RAB17: variants seen among roughly 807,000 people sequenced by gnomAD.
RAB17 encodes the protein RAB17, member RAS oncogene family.
In RAB17, 15 loss-of-function variants were observed where a neutral mutation model predicts 19.3. The observed-to-expected ratio is 0.78, with a 90% CI of 0.52 to 1.20. The LOEUF is 1.20. Ranked by LOEUF, RAB17 falls within the 50% of genes most tolerant of loss-of-function variation. The probability of loss-of-function intolerance (pLI) is 0.00; values close to 1 mark genes in which losing one functional copy is unlikely to be tolerated. For synonymous variants in RAB17, 110 were observed against 112.8 expected, an observed-to-expected ratio of 0.97 and a Z score of 0.16; for missense variants, 262 against 269.3, an observed-to-expected ratio of 0.97 and a Z score of 0.19.
intron 5 of RAB17, 27 bp downstream of exon 5, chr2:237,575,360 T>G: frequency 6.4e-7 from 1 of 1,573,778 alleles, no homozygotes; most frequent in Non-Finnish European, 8.7e-7. Flanking sequence ...ACCTCCCCCT[T>G]GTCTGGCCCA....
intron 2 of RAB17, chr2:237,585,285 T>C (rs1162748321): frequency 6.0e-6 from 1 of 167,482 alleles, no homozygotes; most frequent in Non-Finnish European, 1.5e-5. Context: ...TGATTCTGCA[T>C]GTGTTCCCCC....
Position 237,574,665 on chromosome 2 carries a change from C to T in RAB17, c.*354G>A. On this transcript the variant is annotated 3_prime_UTR_variant, in exon 6 of 6. Transcript: ENST00000264601. ...GCCCCCATCAAGATCAGACGTAAGG[C>T]ATCTTCCCACCGTCGCTGTGCTGCG... 2 of 1,462,590 alleles carry T rather than the reference C, an allele frequency of 1.4e-6. No individual in the cohort carries two copies. The highest frequency in any genetic ancestry group is 1.8e-6 in the Non-Finnish European group (2 of 1,104,796). 90.6% of individuals were successfully genotyped at this position (1,462,590 alleles called of 1,614,324 possible). A position where few individuals can be genotyped will look rare whatever the true frequency, so the allele number is the denominator to read the frequency against.
At chr2:237,584,451 C>A (rs570377599) in intron 2 of RAB17, among the ~76,000 whole-genome samples, 1 of 152,144 alleles carries the variant, frequency 6.6e-6, no homozygotes, top group Non-Finnish European at 1.5e-5. Context: ...GGGGTCACTG[C>A]TGCAACCACT....
chr2:237,581,258 C>T (rs1054896041), intron 2 of RAB17, among the ~76,000 whole-genome samples: 1 of 147,960 alleles, frequency 6.8e-6, no homozygotes, highest in Non-Finnish European at 1.5e-5. Flanking sequence ...ACCTGTGGTC[C>T]CAGCTACTGA....
chr2:237,576,426 CCT>C (rs1374234524), intron 4 of RAB17, among the ~76,000 whole-genome samples: 1 of 152,162 alleles, frequency 6.6e-6, no homozygotes, highest in Non-Finnish European at 1.5e-5. Context: ...CTGCCAGGAT[CCT>C]CTCTCCCCCA....
rs569105410 is a variant in RAB17, at chr2:237,574,815, C to T, written c.*204G>A. 1.2e-3 allele frequency: 1,092 copies of T among 891,128 alleles called. 19 individuals are homozygous for T. In the South Asian group the frequency reaches 0.022, roughly 18 times the overall value. The allele number at this position is 891,128 out of a possible 1,614,324, so 55.2% of individuals were successfully genotyped here. On this transcript the variant is annotated 3_prime_UTR_variant, in exon 6 of 6. Coordinates refer to ENST00000264601, the MANE Select transcript of RAB17 (RefSeq NM_022449.4). ...GTATCAGTGGGGATAGGGCACAGCA[C>T]TTTCCTGGGAGCCATGTGACGCCAG...
At chr2:237,588,341 C>T (rs1211028956) in intron 1 of RAB17, among the ~76,000 whole-genome samples, 1 of 152,208 alleles carries the variant, frequency 6.6e-6, no homozygotes, top group Non-Finnish European at 1.5e-5. Context: ...CTTGGACTTC[C>T]CAGCCTCCAG....
intron 4 of RAB17, among the ~76,000 whole-genome samples, chr2:237,576,189 C>T (rs1230631231): frequency 1.3e-5 from 2 of 152,044 alleles, no homozygotes; most frequent in Non-Finnish European, 2.9e-5. Context: ...CCCCAGCTCT[C>T]GCACCATCCA....
At chr2:237,577,866 C>T in intron 3 of RAB17, 138 bp downstream of exon 3, 3 of 990,220 alleles carry the variant, frequency 3.0e-6, no homozygotes, top group Non-Finnish European at 3.0e-6. Context: ...TGTCAGGAGG[C>T]CATCCTGGAG....
Position 237,574,940 on chromosome 2 carries a change from A to T in RAB17, c.*79T>A. The T allele has an allele frequency of 8.7e-7, 1 of 1,146,962 alleles. No individual in the cohort carries two copies. The highest frequency in any genetic ancestry group is 1.2e-6 in the Non-Finnish European group (1 of 821,460). The allele number at this position is 1,146,962 out of a possible 1,614,324, so 71.0% of individuals were successfully genotyped here. On this transcript the variant is annotated 3_prime_UTR_variant, in exon 6 of 6. Transcript: ENST00000264601. ...GGCTCGGGAGCAACCCAGCATTGAC[A>T]GTGAATCAGAATCCACCTAGAGCTG...
chr2:237,583,646 C>T (rs1376162971), intron 2 of RAB17, among the ~76,000 whole-genome samples: 2 of 152,226 alleles, frequency 1.3e-5, no homozygotes, highest in East Asian at 1.9e-4. Context: ...CTCCTCTCCC[C>T]GTTGTGCCAC....
chr2:237,574,574 C>A lies in RAB17; in HGVS notation c.*445G>T. ...GTCATCGCTCCATTTCTTCCTGGCACCACCACCTCCATCTGGCCTGCTCCC... is the reference window on the plus strand; with the variant it reads ...GTCATCGCTCCATTTCTTCCTGGCAACACCACCTCCATCTGGCCTGCTCCC... On this transcript the variant is annotated 3_prime_UTR_variant, in exon 6 of 6. Transcript: ENST00000264601. 1 of 1,549,430 alleles carries A rather than the reference C, an allele frequency of 6.5e-7. No homozygotes were observed. The highest frequency in any genetic ancestry group is 1.2e-5 in the South Asian group (1 of 83,698).
intron 2 of RAB17, among the ~76,000 whole-genome samples, chr2:237,582,727 G>C (rs1403643461): frequency 6.6e-6 from 1 of 152,218 alleles, no homozygotes; most frequent in Non-Finnish European, 1.5e-5. Context: ...GTGCAACACA[G>C]ATCACTCTTC....
At chr2:237,580,075 T>C (rs1210463740) in intron 2 of RAB17, among the ~76,000 whole-genome samples, 2 of 152,206 alleles carry the variant, frequency 1.3e-5, no homozygotes, top group African/African-American at 2.4e-5. Flanking sequence ...GCCCAGAATA[T>C]AAATGTACAC....
At chr2:237,575,714 C>G in intron 4 of RAB17, 1 of 515,582 alleles carries the variant, frequency 1.9e-6, no homozygotes, top group Non-Finnish European at 3.5e-6. Flanking sequence ...GGCCTTCCTC[C>G]TCCTGCAGGG....
intron 2 of RAB17, 112 bp downstream of exon 2, chr2:237,585,886 T>G: frequency 8.4e-7 from 1 of 1,189,600 alleles, no homozygotes; most frequent in Non-Finnish European, 1.2e-6. Flanking sequence ...CAGCTCAAGG[T>G]CCCAGCATGG....
At chr2:237,576,832 G>C (rs1386238327) in intron 4 of RAB17, 8 of 423,178 alleles carry the variant, frequency 1.9e-5, no homozygotes, top group South Asian at 1.1e-4. Context: ...TCTGGGAACA[G>C]AGTAGGGAAG....
intron 2 of RAB17, among the ~76,000 whole-genome samples, chr2:237,584,198 A>G (rs2081330999): frequency 2.0e-5 from 3 of 149,976 alleles, no homozygotes; most frequent in Non-Finnish European, 3.0e-5. Flanking sequence ...CCCCACCCCC[A>G]CCCAAGAAAG....
In RAB17 at chr2:237,574,431, G is replaced by A. The variant is rs1041821333; in HGVS notation, c.*588C>T. ...TTCCTGCTCATTGGACAGAAACTCA[G>A]CTTCACCACATTGCCAGCCGGGAGA... On this transcript the variant is annotated 3_prime_UTR_variant, in exon 6 of 6. Transcript: ENST00000264601. 1.9e-6 allele frequency: 3 copies of A among 1,549,398 alleles called. 1 individual carries two copies. Among genetic ancestry groups the A allele is most frequent in the South Asian group, 2.4e-5 (2 of 83,800 alleles).
Sources: allele counts gnomAD v4.1 joint callset (sites outside exome capture counted in the v4.1 genomes callset), GRCh38; gene constraint gnomAD v4.1.1; transcripts MANE v1.5; gene names NCBI Gene and HGNC (gene_info 2026-07-23, HGNC 2026-07-21).